Variants in WDR64 observed in about 807,000 individuals in gnomAD.
WDR64 encodes WD repeat domain 64.
WDR64 carries 112 observed loss-of-function variants against 139.3 expected under a neutral mutation model. That is an observed-to-expected ratio of 0.80 (90% CI 0.69 to 0.94). WDR64 has a LOEUF of 0.94. Ranked by LOEUF, WDR64 falls within the 40% of genes least tolerant of loss-of-function variation. The pLI is 0.00. For missense variants in WDR64, 1,206 were observed against 1,293.1 expected (o/e 0.93, Z 1.03); for synonymous variants, 444 against 437.7 (o/e 1.01, Z -0.18).
chr1:241,801,045 T>C (rs1301375934), intron 27 of WDR64, 87 bp from the exon 28 acceptor site: 4 of 999,834 alleles, frequency 4.0e-6, no homozygotes, highest in African/African-American at 1.6e-5. Context: ...AAAATCTCTA[T>C]GTAAATTAGC....
intron 15 of WDR64, among the ~76,000 whole-genome samples, chr1:241,758,563 G>T (rs12354327): frequency 0.073 from 11,121 of 152,018 alleles, 1,380 homozygotes; most frequent in African/African-American, 0.25. Context: ...TTCCAAAGGT[G>T]GTCTGTGAAT....
intron 10 of WDR64, among the ~76,000 whole-genome samples, chr1:241,726,741 C>T (rs1433230758): frequency 1.3e-5 from 2 of 151,612 alleles, no homozygotes; most frequent in South Asian, 2.1e-4. Flanking sequence ...TAAAACATAA[C>T]GTGTCTATCA....
intron 27 of WDR64, among the ~76,000 whole-genome samples, chr1:241,797,678 T>C (rs1659406280): frequency 6.6e-6 from 1 of 152,174 alleles, no homozygotes; most frequent in South Asian, 2.1e-4. Flanking sequence ...TATTTAAGAA[T>C]TTTTGGCATT....
chr1:241,717,332 C>T (rs1322882990), intron 9 of WDR64, among the ~76,000 whole-genome samples: 2 of 152,084 alleles, frequency 1.3e-5, no homozygotes, highest in South Asian at 2.1e-4. Flanking sequence ...ATGAGGAAAT[C>T]GAGACCCCAG....
chr1:241,761,276 A>G (rs1657883395), intron 15 of WDR64, among the ~76,000 whole-genome samples: 1 of 152,178 alleles, frequency 6.6e-6, no homozygotes, highest in Non-Finnish European at 1.5e-5. Context: ...GACATTGAAA[A>G]ATCTAGTTAA....
At chr1:241,680,018 T>C (rs925819672) in intron 6 of WDR64, among the ~76,000 whole-genome samples, 1 of 152,186 alleles carries the variant, frequency 6.6e-6, no homozygotes, top group Non-Finnish European at 1.5e-5. Context: ...GCTGAGATGT[T>C]ACTGCTTAAC....
In WDR64 at chr1:241,776,236, G is replaced by A. The variant is rs868672174; in HGVS notation, c.2536+1026G>A. Among the ~76,000 whole-genome samples, 9 of 151,854 alleles carry A rather than the reference G, an allele frequency of 5.9e-5. No homozygotes were observed. In the Middle Eastern group the frequency reaches 0.01, roughly 172 times the overall value. On this transcript the variant is annotated intron_variant, in intron 21 of 27. Transcript: ENST00000437684. ...TGGGACTACAGGCATGCACCACCAC[G>A]CCCAGCTAATTTTTGTATTTTTAGT...
chr1:241,692,576 G>A (rs1667342517), intron 8 of WDR64, among the ~76,000 whole-genome samples: 1 of 152,184 alleles, frequency 6.6e-6, no homozygotes, highest in Admixed American at 6.5e-5. Context: ...TTGATGAGCT[G>A]TACTTCATTA....
chr1:241,738,369 C>T lies in WDR64; in HGVS notation c.1201C>T (p.Arg401Trp), dbSNP rs775485533. Residue 401 changes from arginine (R) to tryptophan (W), a missense_variant, in exon 11 of 28, where the codon CGG (arginine) becomes TGG (tryptophan). Arg to Trp is a moderately radical substitution (Grantham distance 101). Transcript: ENST00000437684. ...VVSLSSAKVF[R>W]VWDIQTLSLL... ...GTGTTTGTTATTCTTCCAGGTTTTC[C>T]GGGTGTGGGATATACAAACTCTTTC... 32 of 1,611,152 alleles carry T rather than the reference C, an allele frequency of 2.0e-5. No homozygotes were observed. The highest frequency in any genetic ancestry group is 1.0e-4 in the Admixed American group (6 of 59,500).
chr1:241,766,225 C>T lies in WDR64; in HGVS notation c.1955C>T (p.Thr652Ile). The T allele has an allele frequency of 6.2e-7, 1 of 1,613,624 alleles. No homozygotes were observed. Among genetic ancestry groups the T allele is most frequent in the African/African-American group, 1.3e-5 (1 of 74,986 alleles). ...RNFSQPTDNP[T>I]MDLLRVNCID... Reference sequence around the variant, plus strand: ...GTTTCCTTCGTTCTTCAGAATCCCACCATGGATTTATTACGAGTGAACTGC... The same window carrying T: ...GTTTCCTTCGTTCTTCAGAATCCCATCATGGATTTATTACGAGTGAACTGC... The change falls in exon 16 of 28, where the codon ACC (threonine) becomes ATC (isoleucine). Residue 652 changes from threonine to isoleucine, a missense_variant. By Grantham distance (89) the Thr-to-Ile change is moderately conservative. Transcript: ENST00000437684.
chr1:241,757,404 T>C lies in WDR64; in HGVS notation c.1892T>C (p.Ile631Thr), dbSNP rs1670239325. Residue 631 changes from isoleucine (I) to threonine (T), a missense_variant, in exon 15 of 28, where the codon ATT (isoleucine) becomes ACT (threonine). Physicochemically the swap from Ile to Thr is moderately conservative, Grantham distance 89. Transcript: ENST00000437684. ...TCTACTAGAGACAGGAACATGGCTA[T>C]TCCTTTCCCAGATGTCGAGTTGATA... The part of the protein sequence containing the change: ...RMSTRDRNMA[I>T]PFPDVELIVE... 2.5e-6 allele frequency: 4 copies of C among 1,613,928 alleles called. No individual in the cohort carries two copies. Among genetic ancestry groups the C allele is most frequent in the Non-Finnish European group, 3.4e-6 (4 of 1,179,894 alleles).
chr1:241,688,822 C>T (rs921854718), intron 8 of WDR64, among the ~76,000 whole-genome samples: 2 of 152,106 alleles, frequency 1.3e-5, no homozygotes, highest in Non-Finnish European at 2.9e-5. Flanking sequence ...GTCATAGGGG[C>T]CCCTATGCTT....
At chr1:241,794,959 A>G (rs554396185) in intron 25 of WDR64, among the ~76,000 whole-genome samples, 9 of 152,136 alleles carry the variant, frequency 5.9e-5, no homozygotes, top group Admixed American at 2.0e-4. Flanking sequence ...ATATTTATCT[A>G]TTCACCTCTT....
At chr1:241,787,778 A>G in intron 23 of WDR64, 71 bp from the exon 24 acceptor site, 4 of 1,346,018 alleles carry the variant, frequency 3.0e-6, no homozygotes, top group Non-Finnish European at 4.0e-6. Context: ...TACATAAACG[A>G]TCTAATGAAC....
intron 15 of WDR64, among the ~76,000 whole-genome samples, chr1:241,760,341 A>ATATATT (rs1270524751): frequency 6.6e-6 from 1 of 150,752 alleles, no homozygotes; most frequent in Non-Finnish European, 1.5e-5. Context: ...ATATATATAT[A>ATATATT]TATATTTATA....
intron 7 of WDR64, among the ~76,000 whole-genome samples, chr1:241,684,277 G>A (rs1181472561): frequency 6.6e-6 from 1 of 152,124 alleles, no homozygotes; most frequent in Non-Finnish European, 1.5e-5. Flanking sequence ...AATCCTCCAA[G>A]AGAAAAATGA....
intron 10 of WDR64, among the ~76,000 whole-genome samples, chr1:241,732,539 G>T (rs1669123657): frequency 6.6e-6 from 1 of 152,146 alleles, no homozygotes; most frequent in South Asian, 2.1e-4. Context: ...CAGATACCTG[G>T]CTGGGCGCAG....
Position 241,801,951 on chromosome 1 carries a change from C to T in WDR64, c.*736C>T, listed in dbSNP as rs1287407700. On this transcript the variant is annotated 3_prime_UTR_variant, in exon 28 of 28. Coordinates refer to ENST00000437684, the MANE Select transcript of WDR64 (RefSeq NM_001367482.1). ...ACAAAATCCAACTATATGTTGTTTA[C>T]AAGAAACACATCTAACATACAAGGA... is the stretch of plus-strand genomic sequence containing the variant. 2.5e-6 allele frequency: 1 copy of T among 397,456 alleles called. No individual in the cohort carries two copies. Among genetic ancestry groups the T allele is most frequent in the Non-Finnish European group, 4.4e-6 (1 of 225,684 alleles). The allele number at this position is 397,456 out of a possible 1,614,324, so 24.6% of individuals were successfully genotyped here. A position where few individuals can be genotyped will look rare whatever the true frequency, so the allele number is the denominator to read the frequency against.
intron 10 of WDR64, among the ~76,000 whole-genome samples, chr1:241,725,737 A>T (rs1019244369): frequency 3.3e-5 from 5 of 152,032 alleles, no homozygotes; most frequent in African/African-American, 1.2e-4. Context: ...GTAGCCACAA[A>T]TTTTTAAAAC....
Sources: allele counts gnomAD v4.1 joint callset (sites outside exome capture counted in the v4.1 genomes callset), GRCh38; gene constraint gnomAD v4.1.1; transcripts MANE v1.5; gene names NCBI Gene and HGNC (gene_info 2026-07-23, HGNC 2026-07-21).